The following TRPM3 variants were observed in gnomAD, a reference collection of about 807,000 sequenced individuals.
TRPM3 encodes long transient receptor potential channel 3.
In TRPM3, 77 loss-of-function variants were observed where a neutral mutation model predicts 181.2. That is an observed-to-expected ratio of 0.42 (90% CI 0.35 to 0.51). The LOEUF (loss-of-function observed/expected upper bound fraction) is 0.51. TRPM3 is among the 20% of genes least tolerant of loss of function. The probability of loss-of-function intolerance (pLI) is 0.01; values close to 1 mark genes in which losing one functional copy is unlikely to be tolerated. For missense variants in TRPM3, 1,759 were observed against 2,196.7 expected (o/e 0.80, Z 3.98); for synonymous variants, 745 against 796.4 (o/e 0.94, Z 1.09).
intron 1 of TRPM3, among the ~76,000 whole-genome samples, chr9:71,062,572 G>A (rs1287622873): frequency 6.6e-6 from 1 of 152,014 alleles, no homozygotes; most frequent in Non-Finnish European, 1.5e-5. Context: ...TTGTTTCTTT[G>A]AGCAAATGCA....
intron 1 of TRPM3, among the ~76,000 whole-genome samples, chr9:71,242,228 T>A (rs1470345854): frequency 2.6e-5 from 4 of 152,200 alleles, no homozygotes; most frequent in African/African-American, 9.6e-5. Flanking sequence ...TAAATCAAAG[T>A]ACCTCCAGCT....
intron 1 of TRPM3, among the ~76,000 whole-genome samples, chr9:71,298,621 G>C (rs922280983): frequency 2.8e-4 from 43 of 151,898 alleles, no homozygotes; most frequent in Non-Finnish European, 1.0e-4. Context: ...ACAATAATAG[G>C]AATTTAGAGT....
At chr9:70,925,925 A>G (rs12340761) in intron 1 of TRPM3, among the ~76,000 whole-genome samples, 32,517 of 140,012 alleles carry the variant, frequency 0.23, 4,358 homozygotes, top group African/African-American at 0.39. Context: ...ATCAGTCCAG[A>G]TGAGGACTGA....
At chr9:71,272,667 T>C (rs2083891564) in intron 1 of TRPM3, among the ~76,000 whole-genome samples, 1 of 152,150 alleles carries the variant, frequency 6.6e-6, no homozygotes, top group South Asian at 2.1e-4. Context: ...CACCCATTTG[T>C]GTAATAGAAA....
At chr9:70,593,457 G>A (rs901012892) in intron 21 of TRPM3, among the ~76,000 whole-genome samples, 18 of 152,186 alleles carry the variant, frequency 1.2e-4, no homozygotes, top group Admixed American at 9.8e-4. Context: ...TGGGTTGGGA[G>A]AGGAAGGTTT....
intron 3 of TRPM3, among the ~76,000 whole-genome samples, chr9:70,851,102 C>T (rs893698949): frequency 1.3e-5 from 2 of 152,028 alleles, no homozygotes; most frequent in South Asian, 2.1e-4. Flanking sequence ...TACATTTCAT[C>T]TAGCCACTGC....
intron 9 of TRPM3, among the ~76,000 whole-genome samples, chr9:70,649,246 T>C (rs1377784615): frequency 6.6e-6 from 1 of 150,740 alleles, no homozygotes; most frequent in African/African-American, 2.5e-5. Context: ...TGGAGTGGAA[T>C]GGCTCAATCT....
chr9:70,951,063 G>C (rs1411241674), intron 1 of TRPM3, among the ~76,000 whole-genome samples: 1 of 151,760 alleles, frequency 6.6e-6, no homozygotes, highest in African/African-American at 2.4e-5. Flanking sequence ...ATGTGACTAT[G>C]GTAATTTTTT....
intron 1 of TRPM3, among the ~76,000 whole-genome samples, chr9:71,204,037 C>A (rs956432356): frequency 6.6e-6 from 1 of 151,812 alleles, no homozygotes; most frequent in East Asian, 1.9e-4. Context: ...GGATCCCTTC[C>A]TTACACCTTA....
Position 70,625,521 on chromosome 9 carries a change from G to A in TRPM3, c.1633-4C>T. The A allele has an allele frequency of 6.2e-7, 1 of 1,611,000 alleles. No individual in the cohort carries two copies. Among genetic ancestry groups the A allele is most frequent in the Non-Finnish European group, 8.5e-7 (1 of 1,178,992 alleles). The stretch of plus-strand genomic sequence containing the variant: ...AACCGAAACCTGGATACTCTCGCTT[G>A]GAAAGAAGACATAAGTTAAATAAGA... On this transcript the variant is annotated splice_polypyrimidine_tract_variant and splice_region_variant and intron_variant, in intron 12 of 25. Transcript: ENST00000677713. The surrounding 1 kb of genome is among the most constrained non-coding windows in gnomAD (Gnocchi z 4.8).
intron 8 of TRPM3, among the ~76,000 whole-genome samples, chr9:70,700,777 A>C (rs3908571): frequency 0.2 from 30,987 of 152,158 alleles, 3,304 homozygotes; most frequent in South Asian, 0.29. Flanking sequence ...CTATCATAGC[A>C]ATAAGGAACT....
intron 1 of TRPM3, among the ~76,000 whole-genome samples, chr9:70,924,926 GAGA>G (rs1415486200): frequency 2.6e-5 from 4 of 152,158 alleles, no homozygotes; most frequent in African/African-American, 7.2e-5. Context: ...GAAAGAAAAG[GAGA>G]AGGAGAAGAT....
At chr9:71,026,646 A>G (rs912688932) in intron 1 of TRPM3, among the ~76,000 whole-genome samples, 6 of 152,002 alleles carry the variant, frequency 3.9e-5, no homozygotes, top group African/African-American at 7.3e-5. Flanking sequence ...CCATGGGAGC[A>G]CTGGTGGGCT....
At chr9:70,812,207 G>T (rs1253826941) in intron 6 of TRPM3, among the ~76,000 whole-genome samples, 1 of 152,170 alleles carries the variant, frequency 6.6e-6, no homozygotes, top group Non-Finnish European at 1.5e-5. Flanking sequence ...CTAGACCCTA[G>T]CTTCCTAGGA....
intron 1 of TRPM3, among the ~76,000 whole-genome samples, chr9:71,363,239 T>G (rs957810083): frequency 1.2e-4 from 19 of 152,214 alleles, no homozygotes; most frequent in African/African-American, 4.3e-4. Flanking sequence ...CTCAGGTTAA[T>G]AACACTAGTC....
At chr9:71,271,840 A>G (rs2083818572) in intron 1 of TRPM3, among the ~76,000 whole-genome samples, 1 of 152,190 alleles carries the variant, frequency 6.6e-6, no homozygotes, top group Non-Finnish European at 1.5e-5. Context: ...TCTTGAATCA[A>G]AAGACATGAA....
chr9:70,677,175 C>T (rs574622558), intron 9 of TRPM3, among the ~76,000 whole-genome samples: 6 of 152,256 alleles, frequency 3.9e-5, no homozygotes, highest in South Asian at 4.1e-4. Flanking sequence ...GCCATGTCGG[C>T]TTACCATTGC....
intron 1 of TRPM3, among the ~76,000 whole-genome samples, chr9:70,890,623 C>A (rs573291440): frequency 5.5e-4 from 84 of 151,886 alleles, no homozygotes; most frequent in African/African-American, 1.9e-3. Context: ...TCAAGGAAAT[C>A]TAGAATGCAA....
At chr9:70,925,789 A>C (rs556395280) in intron 1 of TRPM3, among the ~76,000 whole-genome samples, 1 of 152,150 alleles carries the variant, frequency 6.6e-6, no homozygotes, top group African/African-American at 2.4e-5. Flanking sequence ...TAAATTTCTC[A>C]CTGTCAATAC....
Sources: gnomAD v4.1 joint callset for allele counts (sites outside exome capture counted in the v4.1 genomes callset) on GRCh38, gnomAD v4.1.1 for gene constraint, Gnocchi (gnomAD v3.1) non-coding constraint, MANE v1.5 for transcripts, NCBI Gene and HGNC (gene_info 2026-07-23, HGNC 2026-07-21) for gene names.